Variants in SHISA7 observed in about 807,000 individuals in gnomAD.
SHISA7 encodes the protein shisa family member 7.
A neutral mutation model predicts 23.9 loss-of-function variants in SHISA7; 6 were observed. The ratio of observed to expected loss-of-function variants is 0.25; its 90% CI spans 0.14 to 0.50. SHISA7 has a LOEUF of 0.50. SHISA7 is among the 20% of genes least tolerant of loss of function. The probability of loss-of-function intolerance (pLI) is 0.98; values close to 1 mark genes in which losing one functional copy is unlikely to be tolerated. For synonymous variants in SHISA7, 386 were observed against 398.3 expected, an observed-to-expected ratio of 0.97 and a Z score of 0.37; for missense variants, 671 against 801.1, an observed-to-expected ratio of 0.84 and a Z score of 1.96.
At chr19:55,438,877 C>CCCCCT (rs1555754026) in intron 2 of SHISA7, among the ~76,000 whole-genome samples, 3 of 151,612 alleles carry the variant, frequency 2.0e-5, no homozygotes, top group African/African-American at 7.3e-5. Context: ...AGCACCCCCC[C>CCCCCT]CCCTGGTGCC....
rs767264174 is a variant in SHISA7, at chr19:55,432,083, T to C, written c.*1073A>G. 3 of 152,272 alleles carry C rather than the reference T, an allele frequency of 2.0e-5. No homozygotes were observed. The highest frequency in any genetic ancestry group is 2.0e-4 in the Admixed American group (3 of 15,260). 9.4% of individuals were successfully genotyped at this position (152,272 alleles called of 1,614,324 possible). ...AAGCTCTGGTGATGCCATCACAGCA[T>C]TGGGGGTAGGGGTGTCACTGCCAAC... is the stretch of plus-strand genomic sequence containing the variant. On this transcript the variant is annotated 3_prime_UTR_variant, in exon 4 of 4. Coordinates refer to ENST00000376325, the MANE Select transcript of SHISA7 (RefSeq NM_001145176.2). This position sits in a 1 kb window ranked among gnomAD's most constrained non-coding sequence, Gnocchi z 4.6.
chr19:55,440,080 T>TC (rs1359355216), intron 2 of SHISA7, among the ~76,000 whole-genome samples: 1 of 152,016 alleles, frequency 6.6e-6, no homozygotes. Context: ...AGTATTTTTT[T>TC]CTGTGTTACA....
chr19:55,434,771 GGTGT>G (rs796534132), intron 3 of SHISA7, among the ~76,000 whole-genome samples: 1 of 107,418 alleles, frequency 9.3e-6, no homozygotes, highest in Admixed American at 9.8e-5. Flanking sequence ...TGTGGTGTGT[GGTGT>G]GTGTATGGTG....
chr19:55,442,124 G>A, intron 1 of SHISA7, 69 bp downstream of exon 1: 1 of 1,415,604 alleles, frequency 7.1e-7, no homozygotes, highest in Non-Finnish European at 9.4e-7. Flanking sequence ...CCTCCTCCTC[G>A]GATGGCTCCA....
chr19:55,438,734 G>A, intron 2 of SHISA7: 1 of 807,450 alleles, frequency 1.2e-6, no homozygotes, highest in Non-Finnish European at 1.8e-6. Flanking sequence ...GGCCCCACAT[G>A]CAGGACCTCG....
rs1190941493 is a variant in SHISA7, at chr19:55,433,679, G to A, written c.1094C>T (p.Ala365Val). The change falls in exon 4 of 4, where the codon GCC (alanine) becomes GTC (valine). Residue 365 changes from alanine to valine, a missense_variant. By Grantham distance (64) the Ala-to-Val change is moderately conservative. This residue lies in a region of SHISA7 where 457 missense variants were observed against 488.3 expected (regional missense o/e 0.94). Coordinates refer to ENST00000376325, the MANE Select transcript of SHISA7 (RefSeq NM_001145176.2). This position sits in a 1 kb window ranked among gnomAD's most constrained non-coding sequence, Gnocchi z 8.4. ...PGTGGGYRME[A>V]WGGPEELGLA... The stretch of plus-strand genomic sequence containing the variant: ...GCCCAGCTCCTCTGGGCCGCCCCAG[G>A]CCTCCATGCGATAGCCGCCCCCCGT... 5 of 1,483,612 alleles carry A rather than the reference G, an allele frequency of 3.4e-6. No individual in the cohort carries two copies. The highest frequency in any genetic ancestry group is 4.4e-6 in the Non-Finnish European group (5 of 1,124,640). The allele number at this position is 1,483,612 out of a possible 1,614,324, so 91.9% of individuals were successfully genotyped here.
rs1376466780 is a variant in SHISA7 at position 55,442,353 on chromosome 19, C to A, written c.511G>T (p.Gly171Trp). The change falls in exon 1 of 4, where the codon GGG becomes TGG. Residue 171 changes from glycine (G) to tryptophan (W), a missense_variant. By Grantham distance (184) the Gly-to-Trp change is radical. Around this residue, in one of 5 missense-constraint regions of SHISA7, gnomAD observed 59 missense variants for 57.2 expected, o/e 1.03. Coordinates refer to ENST00000376325, the MANE Select transcript of SHISA7 (RefSeq NM_001145176.2). ...TCGCCCCCGCGGCCCCCGGCACCCC[C>A]AGTCCGGCCCCCTTCCAACCACCCG... ...QAGWLEGGRT[G>W]GAGGRGGEGP... The A allele has an allele frequency of 1.4e-6, 2 of 1,445,152 alleles. No homozygotes were observed. Among genetic ancestry groups the A allele is most frequent in the Middle Eastern group, 2.2e-4 (1 of 4,546 alleles). 89.5% of individuals were successfully genotyped at this position (1,445,152 alleles called of 1,614,324 possible). A position where few individuals can be genotyped will look rare whatever the true frequency, so the allele number is the denominator to read the frequency against.
chr19:55,436,720 GCAA>G (rs1263472587), intron 3 of SHISA7, among the ~76,000 whole-genome samples: 2 of 151,242 alleles, frequency 1.3e-5, no homozygotes, highest in South Asian at 2.1e-4. Context: ...GCCAGCCTGG[GCAA>G]CACAGTGAAA....
rs1454435443 is a variant in SHISA7 at position 55,433,670 on chromosome 19, C to T, written c.1103G>A (p.Gly368Asp). The T allele has an allele frequency of 1.3e-6, 2 of 1,483,626 alleles. No homozygotes were observed. The highest frequency in any genetic ancestry group is 1.3e-5 in the South Asian group (1 of 78,926). The allele number at this position is 1,483,626 out of a possible 1,614,324, so 91.9% of individuals were successfully genotyped here. A position where few individuals can be genotyped will look rare whatever the true frequency, so the allele number is the denominator to read the frequency against. ...GGGCGCCAGGCCCAGCTCCTCTGGG[C>T]CGCCCCAGGCCTCCATGCGATAGCC... is the stretch of plus-strand genomic sequence containing the variant. ...GGGYRMEAWG[G>D]PEELGLAPAP... The change falls in exon 4 of 4, where the codon GGC becomes GAC. Residue 368 changes from glycine (G) to aspartate (D), a missense_variant. Physicochemically the swap from Gly to Asp is moderately conservative, Grantham distance 94. This residue lies in a region of SHISA7 where 457 missense variants were observed against 488.3 expected (regional missense o/e 0.94). Transcript: ENST00000376325. The surrounding 1 kb of genome is among the most constrained non-coding windows in gnomAD (Gnocchi z 8.4).
At chr19:55,438,449 C>G in intron 2 of SHISA7, 2 of 964,128 alleles carry the variant, frequency 2.1e-6, no homozygotes, top group African/African-American at 1.7e-5. Flanking sequence ...GAGGACTGGG[C>G]TCACAGGGGT....
chr19:55,442,112 C>A, intron 1 of SHISA7, 81 bp downstream of exon 1: 2 of 1,353,868 alleles, frequency 1.5e-6, no homozygotes, highest in South Asian at 1.4e-5. Flanking sequence ...ATCCCTGCAG[C>A]CCCTCCTCCT....
In SHISA7 at chr19:55,442,179, G is replaced by A. The variant is rs1985612877; in HGVS notation, c.671+14C>T. The A allele has an allele frequency of 8.5e-6, 13 of 1,528,900 alleles. No individual in the cohort carries two copies. Among genetic ancestry groups the A allele is most frequent in the Middle Eastern group, 1.7e-4 (1 of 5,948 alleles). 94.7% of individuals were successfully genotyped at this position (1,528,900 alleles called of 1,614,324 possible). A position where few individuals can be genotyped will look rare whatever the true frequency, so the allele number is the denominator to read the frequency against. On this transcript the variant is annotated intron_variant, in intron 1 of 3. Transcript: ENST00000376325. ...CCCCAGGCTCGCAGTCCTCCCGCCC[G>A]AGAGCACACGCACCTGGGCACGTTG... is the stretch of plus-strand genomic sequence containing the variant.
At position 55,432,762 on chromosome 19, in the gene SHISA7, T is replaced by C. The variant is rs117713780; in HGVS notation, c.*394A>G. On this transcript the variant is annotated 3_prime_UTR_variant, in exon 4 of 4. Coordinates refer to ENST00000376325, the MANE Select transcript of SHISA7 (RefSeq NM_001145176.2). The surrounding 1 kb of genome is among the most constrained non-coding windows in gnomAD (Gnocchi z 4.6). ...GAACAAGGCGTCGTCTCTGTTATTA[T>C]ACCACAAGAAGGAAGCCTCTGAGGA... is the stretch of plus-strand genomic sequence containing the variant. 3,522 of 170,214 alleles carry C rather than the reference T, an allele frequency of 0.021. 78 individuals carry two copies. Among genetic ancestry groups the C allele is most frequent in the Non-Finnish European group, 0.029 (2,282 of 80,030 alleles). The allele number at this position is 170,214 out of a possible 1,614,324, so 10.5% of individuals were successfully genotyped here.
At position 55,430,340 on chromosome 19, in the gene SHISA7, T is replaced by C. The variant is rs1985151084; in HGVS notation, c.*2816A>G. The C allele has an allele frequency of 6.6e-6, 1 of 152,244 alleles. No individual in the cohort carries two copies. The highest frequency in any genetic ancestry group is 6.5e-5 in the Admixed American group (1 of 15,282). 9.4% of individuals were successfully genotyped at this position (152,244 alleles called of 1,614,324 possible). On this transcript the variant is annotated 3_prime_UTR_variant, in exon 4 of 4. Transcript: ENST00000376325. ...GAAACGGGAATATGGCCTGTTGTGC[T>C]GGTTCCCCTTAAGTGAACAACTGTA...
rs1985610577 is a variant in SHISA7, at chr19:55,442,109, C to A, written c.671+84G>T. ...CTCTGACCACCACGCCCTATCCCTG[C>A]AGCCCCTCCTCCTCGGATGGCTCCA... On this transcript the variant is annotated intron_variant, in intron 1 of 3. Transcript: ENST00000376325. 6.0e-6 allele frequency: 8 copies of A among 1,337,518 alleles called. No homozygotes were observed. In the South Asian group the frequency reaches 9.8e-5, roughly 16 times the overall value. 82.9% of individuals were successfully genotyped at this position (1,337,518 alleles called of 1,614,324 possible). A position where few individuals can be genotyped will look rare whatever the true frequency, so the allele number is the denominator to read the frequency against.
intron 2 of SHISA7, chr19:55,438,705 G>A: frequency 8.4e-7 from 1 of 1,196,388 alleles, no homozygotes; most frequent in Non-Finnish European, 1.1e-6. Context: ...TCTCTGGGAA[G>A]GACTCTGGCC....
chr19:55,437,783 A>T, intron 2 of SHISA7, 29 bp from the exon 3 acceptor site: 1 of 1,538,980 alleles, frequency 6.5e-7, no homozygotes, highest in Non-Finnish European at 8.8e-7. Flanking sequence ...GGCCAGGGTC[A>T]GTCAGCTTCC....
At chr19:55,435,886 T>G (rs1985447486) in intron 3 of SHISA7, among the ~76,000 whole-genome samples, 2 of 152,104 alleles carry the variant, frequency 1.3e-5, no homozygotes, top group Admixed American at 1.3e-4. Flanking sequence ...TTTTCTCTAC[T>G]CGCATGTATG....
rs1985260732 is a variant in SHISA7 at position 55,433,387 on chromosome 19, T to C, written c.1386A>G (p.Pro462=). 1.5e-6 allele frequency: 2 copies of C among 1,332,484 alleles called. No homozygotes were observed. Among genetic ancestry groups the C allele is most frequent in the Non-Finnish European group, 1.9e-6 (2 of 1,050,570 alleles). The allele number at this position is 1,332,484 out of a possible 1,614,324, so 82.5% of individuals were successfully genotyped here. A position where few individuals can be genotyped will look rare whatever the true frequency, so the allele number is the denominator to read the frequency against. ...SNLLLGPGGP[P]TPLRGLPPPS... is the part of the protein sequence containing the mutation. ...GTGGCGGCAGCCCGCGCAGCGGTGT[T>C]GGGGGCCCCCCGGGCCCCAGCAGCA... Residue 462 remains proline (P), a synonymous_variant, in exon 4 of 4, where the codon CCA becomes CCG. Transcript: ENST00000376325. The surrounding 1 kb of genome is among the most constrained non-coding windows in gnomAD (Gnocchi z 8.4).
Sources: allele counts gnomAD v4.1 joint callset (sites outside exome capture counted in the v4.1 genomes callset), GRCh38; gene constraint gnomAD v4.1.1; regional missense constraint gnomAD v4.1.1; non-coding constraint Gnocchi (gnomAD v3.1); transcripts MANE v1.5; gene names NCBI Gene and HGNC (gene_info 2026-07-23, HGNC 2026-07-21).